Variants in DLG1 observed in about 807,000 individuals in gnomAD.
DLG1 encodes the protein disks large homolog 1.
A neutral mutation model predicts 123.4 loss-of-function variants in DLG1; 42 were observed. That is an observed-to-expected ratio of 0.34 (90% CI 0.27 to 0.44). DLG1 has a LOEUF of 0.44. DLG1 is among the 20% of genes least tolerant of loss of function. The probability of loss-of-function intolerance (pLI) is 1.00; values close to 1 mark genes in which losing one functional copy is unlikely to be tolerated. For missense variants in DLG1, 942 were observed against 1,082.6 expected, an observed-to-expected ratio of 0.87 and a Z score of 1.82; for synonymous variants, 317 against 356.2, an observed-to-expected ratio of 0.89 and a Z score of 1.24.
intron 1 of DLG1, 112 bp downstream of exon 1, chr3:197,298,424 C>G: frequency 5.0e-6 from 2 of 398,754 alleles, no homozygotes; most frequent in East Asian, 3.6e-5. Flanking sequence ...TTACCTTGCC[C>G]TAGCCCACCG....
At chr3:197,085,124 T>TTA (rs970530276) in intron 16 of DLG1, among the ~76,000 whole-genome samples, 33 of 150,826 alleles carry the variant, frequency 2.2e-4, no homozygotes, top group African/African-American at 3.2e-4. Flanking sequence ...CTTAATGATT[T>TTA]TATATATATA....
At position 197,076,656 on chromosome 3, in the gene DLG1, G is replaced by A. The variant is rs772978956; in HGVS notation, c.1935C>T (p.Asn645=). The A allele has an allele frequency of 3.7e-6, 6 of 1,612,828 alleles. No homozygotes were observed. Among genetic ancestry groups the A allele is most frequent in the South Asian group, 3.3e-5 (3 of 91,050 alleles). Residue 645 remains asparagine, a synonymous_variant, in exon 18 of 25, where the codon AAC becomes AAT. Coordinates refer to ENST00000667157, the MANE Select transcript of DLG1 (RefSeq NM_001366207.1). ...AGAAGGGGAATTTTCGGGAAAAGAG[G>A]TTCTTTTTACGCTTGTCATTGAATG... is the stretch of plus-strand genomic sequence containing the variant. ...GQSFNDKRKK[N]LFSRKFPFYK...
intron 3 of DLG1, among the ~76,000 whole-genome samples, chr3:197,290,150 T>C (rs763707592): frequency 6.6e-6 from 1 of 151,274 alleles, no homozygotes; most frequent in Admixed American, 6.6e-5. Flanking sequence ...TGGTAATAAA[T>C]GATAAGTCAT....
chr3:197,289,338 G>GCGCACACACA (rs1553828683), intron 3 of DLG1, among the ~76,000 whole-genome samples: 2 of 69,978 alleles, frequency 2.9e-5, no homozygotes, highest in East Asian at 1.2e-3. Context: ...GTATACACGC[G>GCGCACACACA]CATACACACA....
chr3:197,118,758 T>C (rs1422584494), intron 12 of DLG1, among the ~76,000 whole-genome samples: 4 of 152,218 alleles, frequency 2.6e-5, no homozygotes, highest in African/African-American at 9.6e-5. Flanking sequence ...AAAAGACAGT[T>C]AATCTATACA....
intron 4 of DLG1, among the ~76,000 whole-genome samples, chr3:197,244,349 G>A (rs960175495): frequency 6.6e-6 from 1 of 152,178 alleles, no homozygotes; most frequent in Non-Finnish European, 1.5e-5. Flanking sequence ...AGTGGAAAGG[G>A]GACAATCTGG....
intron 11 of DLG1, among the ~76,000 whole-genome samples, chr3:197,128,882 T>G (rs1255513419): frequency 2.0e-5 from 3 of 152,188 alleles, no homozygotes; most frequent in Non-Finnish European, 4.4e-5. Flanking sequence ...AATAGTTGGC[T>G]TAAAATATTC....
intron 5 of DLG1, among the ~76,000 whole-genome samples, chr3:197,150,107 C>T (rs1206381948): frequency 6.6e-6 from 1 of 152,122 alleles, no homozygotes; most frequent in Non-Finnish European, 1.5e-5. Context: ...TAACCAATAA[C>T]TCTTCCTAGG....
chr3:197,200,702 A>G (rs1466557786), intron 4 of DLG1, among the ~76,000 whole-genome samples: 6 of 152,232 alleles, frequency 3.9e-5, no homozygotes, highest in Non-Finnish European at 8.8e-5. Context: ...GATACATCAC[A>G]TAAACAGAAA....
chr3:197,208,276 G>C (rs1232515210), intron 4 of DLG1, among the ~76,000 whole-genome samples: 2 of 146,512 alleles, frequency 1.4e-5, no homozygotes. Flanking sequence ...TGAGGACATA[G>C]GAAAAACAGG....
chr3:197,110,119 T>C (rs1187045378), intron 13 of DLG1, among the ~76,000 whole-genome samples: 1 of 152,202 alleles, frequency 6.6e-6, no homozygotes, highest in Non-Finnish European at 1.5e-5. Context: ...ACTCCCATTA[T>C]GTTGGTAAAT....
At chr3:197,045,111 T>G (rs547725858) in intron 24 of DLG1, among the ~76,000 whole-genome samples, 3 of 152,100 alleles carry the variant, frequency 2.0e-5, no homozygotes, top group Non-Finnish European at 4.4e-5. Flanking sequence ...AGGATAATTT[T>G]TTTTTTTTTT....
At chr3:197,213,229 C>T (rs901708860) in intron 4 of DLG1, among the ~76,000 whole-genome samples, 5 of 152,110 alleles carry the variant, frequency 3.3e-5, no homozygotes, top group African/African-American at 1.2e-4. Flanking sequence ...TACACCTCTT[C>T]AATAAGAAGA....
chr3:197,288,959 AGAAG>A (rs893494237), intron 3 of DLG1, among the ~76,000 whole-genome samples: 4 of 152,140 alleles, frequency 2.6e-5, no homozygotes, highest in African/African-American at 7.2e-5. Flanking sequence ...TAAAAAAATG[AGAAG>A]GAAGAAGATT....
intron 10 of DLG1, among the ~76,000 whole-genome samples, chr3:197,134,816 G>C (rs879681213): frequency 6.6e-6 from 1 of 152,252 alleles, no homozygotes; most frequent in African/African-American, 2.4e-5. Flanking sequence ...GTGCCATGGA[G>C]TATAGGAGCT....
At chr3:197,137,689 G>C (rs1192543314) in intron 9 of DLG1, among the ~76,000 whole-genome samples, 1 of 152,078 alleles carries the variant, frequency 6.6e-6, no homozygotes, top group South Asian at 2.1e-4. Flanking sequence ...AGAATTTTGG[G>C]CCAGGTGCAG....
At chr3:197,085,555 T>C (rs749133302) in intron 16 of DLG1, 25 bp downstream of exon 16, 4 of 1,611,916 alleles carry the variant, frequency 2.5e-6, no homozygotes, top group East Asian at 2.2e-5. Flanking sequence ...TTGCCTCACA[T>C]TCAAGTGGTA....
chr3:197,152,207 T>C (rs773094114), intron 5 of DLG1, among the ~76,000 whole-genome samples: 1 of 152,184 alleles, frequency 6.6e-6, no homozygotes, highest in Non-Finnish European at 1.5e-5. Context: ...GATTTACCTA[T>C]ACTCAAATGT....
At chr3:197,053,335 A>T (rs1199821943) in intron 23 of DLG1, among the ~76,000 whole-genome samples, 2 of 152,218 alleles carry the variant, frequency 1.3e-5, no homozygotes, top group African/African-American at 4.8e-5. Flanking sequence ...TTTCAGTTTT[A>T]ATTTATCTGG....
Sources: gnomAD v4.1 joint callset for allele counts (sites outside exome capture counted in the v4.1 genomes callset) on GRCh38, gnomAD v4.1.1 for gene constraint, MANE v1.5 for transcripts, NCBI Gene and HGNC (gene_info 2026-07-23, HGNC 2026-07-21) for gene names.